OMA1: variants seen among roughly 807,000 people sequenced by gnomAD.
OMA1 encodes the protein OMA1 zinc metallopeptidase, also known as metalloendopeptidase OMA1, mitochondrial.
Under a neutral mutation model 30.9 loss-of-function variants are expected in OMA1, and 38 were observed. The ratio of observed to expected loss-of-function variants is 1.23; its 90% CI spans 0.95 to 1.61. The LOEUF (loss-of-function observed/expected upper bound fraction) is 1.61. OMA1 is among the 40% of genes most tolerant of loss of function. The pLI is 0.00. For synonymous variants in OMA1, 173 were observed against 121.9 expected, an observed-to-expected ratio of 1.42 and a Z score of -2.76; for missense variants, 461 against 349.2, an observed-to-expected ratio of 1.32 and a Z score of -2.55.
At chr1:58,499,930 T>G (rs1009605515) in intron 8 of OMA1, among the ~76,000 whole-genome samples, 1 of 151,970 alleles carries the variant, frequency 6.6e-6, no homozygotes, top group African/African-American at 2.4e-5. Context: ...CATCAACTAC[T>G]TATTCACAAA....
In OMA1 at chr1:58,480,977, T is replaced by C. The variant is rs1406599681; in HGVS notation, c.1563A>G (p.Arg521=). The C allele has an allele frequency of 1.2e-6, 1 of 866,230 alleles. No individual in the cohort carries two copies. Among genetic ancestry groups the C allele is most frequent in the African/African-American group, 1.6e-5 (1 of 61,156 alleles). The allele number at this position is 866,230 out of a possible 1,614,324, so 53.7% of individuals were successfully genotyped here. ...CATAAATTTTAATTCAACTGCCCGTTCTTTTCTCAACTATGTATGTTAATG... is the reference window on the plus strand; with the variant it reads ...CATAAATTTTAATTCAACTGCCCGTCCTTTTCTCAACTATGTATGTTAATG... ...QIPLTYIVEK[R]TGS The change falls in exon 9 of 9, where the codon AGA becomes AGG. Residue 521 remains arginine, a synonymous_variant. Coordinates refer to ENST00000371226, the MANE Select transcript of OMA1 (RefSeq NM_145243.5).
chr1:58,534,728 A>G (rs1339142823), intron 3 of OMA1, among the ~76,000 whole-genome samples: 1 of 152,240 alleles, frequency 6.6e-6, no homozygotes, highest in African/African-American at 2.4e-5. Context: ...TCAGCTCAGA[A>G]GTTCAAGACC....
intron 7 of OMA1, among the ~76,000 whole-genome samples, chr1:58,522,015 C>T (rs934434741): frequency 3.3e-5 from 5 of 152,094 alleles, no homozygotes; most frequent in African/African-American, 1.2e-4. Context: ...CTAAACTAAG[C>T]ATTAAACCAA....
intron 1 of OMA1, among the ~76,000 whole-genome samples, chr1:58,544,956 G>A (rs1404004152): frequency 1.3e-5 from 2 of 152,144 alleles, no homozygotes; most frequent in Non-Finnish European, 2.9e-5. Flanking sequence ...GCCCAGGCTG[G>A]TTTTTAACTC....
At chr1:58,509,107 C>G (rs72672216) in intron 7 of OMA1, among the ~76,000 whole-genome samples, 15,358 of 151,966 alleles carry the variant, frequency 0.1, 999 homozygotes, top group Non-Finnish European at 0.15. Context: ...TCTGTAAAGG[C>G]TAAGAGGTTG....
At chr1:58,502,546 G>GA (rs1358101087) in intron 8 of OMA1, among the ~76,000 whole-genome samples, 1 of 152,168 alleles carries the variant, frequency 6.6e-6, no homozygotes, top group Admixed American at 6.5e-5. Context: ...TACTGCTAGA[G>GA]ATGTCAAAGG....
intron 7 of OMA1, among the ~76,000 whole-genome samples, chr1:58,514,630 T>A (rs766720254): frequency 1.8e-4 from 28 of 152,134 alleles, no homozygotes; most frequent in South Asian, 6.2e-4. Flanking sequence ...CATAGACATG[T>A]GATAGGTAAA....
At chr1:58,494,768 T>A (rs186755677) in intron 8 of OMA1, among the ~76,000 whole-genome samples, 17,481 of 151,714 alleles carry the variant, frequency 0.12, 1,199 homozygotes, top group African/African-American at 0.18. Flanking sequence ...GTCAGGAAAC[T>A]ACAGGTGCTG....
intron 1 of OMA1, among the ~76,000 whole-genome samples, chr1:58,540,128 C>T (rs1380132796): frequency 6.6e-6 from 1 of 152,156 alleles, no homozygotes; most frequent in South Asian, 2.1e-4. Context: ...AAGTGGAAAA[C>T]CTTATCATTC....
At chr1:58,497,183 G>A (rs61781787) in intron 8 of OMA1, among the ~76,000 whole-genome samples, 17,637 of 152,018 alleles carry the variant, frequency 0.12, 1,221 homozygotes, top group African/African-American at 0.18. Flanking sequence ...CTACAATGTG[G>A]GATTATATGT....
intron 2 of OMA1, 80 bp downstream of exon 2, chr1:58,538,715 T>A: frequency 1.6e-6 from 1 of 611,980 alleles, no homozygotes; most frequent in Non-Finnish European, 2.8e-6. Flanking sequence ...AAAAATTAAT[T>A]TCTAAAAGTT....
chr1:58,481,012 C>G lies in OMA1; in HGVS notation c.1528G>C (p.Glu510Gln). 1 of 871,214 alleles carries G rather than the reference C, an allele frequency of 1.1e-6. No individual in the cohort carries two copies. The highest frequency in any genetic ancestry group is 1.3e-5 in the South Asian group (1 of 76,448). The allele number at this position is 871,214 out of a possible 1,614,324, so 54.0% of individuals were successfully genotyped here. The change falls in exon 9 of 9, where the codon GAG becomes CAG. Residue 510 changes from glutamate (E) to glutamine (Q), a missense_variant. Transcript: ENST00000371226. ...ACTATGTATGTTAATGGTATTTGCT[C>G]CTGTTTTTGAATAGGAAGAGTATCC... is the stretch of plus-strand genomic sequence containing the variant. ...KMDTLPIQKQ[E>Q]QIPLTYIVEK... is the part of the protein sequence containing the mutation.
intron 8 of OMA1, among the ~76,000 whole-genome samples, chr1:58,501,227 A>C (rs191394364): frequency 1.1e-3 from 163 of 152,334 alleles, no homozygotes; most frequent in African/African-American, 3.8e-3. Flanking sequence ...TTTATCTTGA[A>C]ATTCACATTT....
chr1:58,517,985 G>A (rs543724479), intron 7 of OMA1, among the ~76,000 whole-genome samples: 166 of 151,418 alleles, frequency 1.1e-3, no homozygotes, highest in Middle Eastern at 0.01. Context: ...TTGGGAGTTC[G>A]AGACCAGCCT....
At chr1:58,504,712 C>T (rs1645959573) in intron 8 of OMA1, among the ~76,000 whole-genome samples, 1 of 152,168 alleles carries the variant, frequency 6.6e-6, no homozygotes. Context: ...ATAAATCTTG[C>T]ACTAGAGTTT....
chr1:58,518,369 AGAAGG>A (rs1299203141), intron 7 of OMA1, among the ~76,000 whole-genome samples: 3 of 140,132 alleles, frequency 2.1e-5, no homozygotes, highest in Non-Finnish European at 3.1e-5. Flanking sequence ...GGAAGAGAAG[AGAAGG>A]GAAGAAAAGA....
intron 7 of OMA1, among the ~76,000 whole-genome samples, chr1:58,509,349 A>G (rs770895723): frequency 6.6e-6 from 1 of 152,098 alleles, no homozygotes; most frequent in Non-Finnish European, 1.5e-5. Context: ...GTAAAAAAGT[A>G]CTAAACAGAA....
intron 8 of OMA1, among the ~76,000 whole-genome samples, chr1:58,501,822 G>A (rs1645911049): frequency 2.0e-5 from 3 of 152,252 alleles, no homozygotes; most frequent in Admixed American, 1.3e-4. Context: ...AGGCCTAAAA[G>A]GAGGTAACTA....
chr1:58,489,980 T>C (rs936252607), intron 8 of OMA1, among the ~76,000 whole-genome samples: 7 of 151,960 alleles, frequency 4.6e-5, no homozygotes, highest in East Asian at 3.9e-4. Flanking sequence ...GATAAAACCA[T>C]AAAGATGGGG....
Sources: allele counts gnomAD v4.1 joint callset (sites outside exome capture counted in the v4.1 genomes callset), GRCh38; gene constraint gnomAD v4.1.1; transcripts MANE v1.5; gene names NCBI Gene and HGNC (gene_info 2026-07-23, HGNC 2026-07-21).